The following SGCZ variants were observed in gnomAD, a reference collection of about 807,000 sequenced individuals.
The protein encoded by SGCZ is sarcoglycan zeta.
SGCZ carries 40 observed loss-of-function variants against 41.3 expected under a neutral mutation model. That is an observed-to-expected ratio of 0.97 (90% CI 0.75 to 1.26). SGCZ has a LOEUF of 1.26. SGCZ is among the 50% of genes most tolerant of loss of function. The probability of loss-of-function intolerance (pLI) is 0.00; values close to 1 mark genes in which losing one functional copy is unlikely to be tolerated. For missense variants in SGCZ, 552 were observed against 369.8 expected, an observed-to-expected ratio of 1.49 and a Z score of -4.04; for synonymous variants, 206 against 137.5, an observed-to-expected ratio of 1.50 and a Z score of -3.49.
chr8:14,267,485 G>A (rs1039365787), intron 3 of SGCZ, among the ~76,000 whole-genome samples: 4 of 151,992 alleles, frequency 2.6e-5, no homozygotes, highest in Non-Finnish European at 2.9e-5. Flanking sequence ...TACATGGAGC[G>A]TTTAGGCTAT....
intron 6 of SGCZ, among the ~76,000 whole-genome samples, chr8:14,104,490 CAGACTTTA>C (rs1802140770): frequency 6.6e-6 from 1 of 151,772 alleles, no homozygotes; most frequent in Non-Finnish European, 1.5e-5. Flanking sequence ...AAGAAGAATT[CAGACTTTA>C]AAACAACCTA....
intron 4 of SGCZ, among the ~76,000 whole-genome samples, chr8:14,226,060 T>C (rs1041269654): frequency 6.6e-6 from 1 of 151,992 alleles, no homozygotes; most frequent in African/African-American, 2.4e-5. Context: ...TCCACACTTA[T>C]TTGGGGGGCT....
intron 7 of SGCZ, among the ~76,000 whole-genome samples, chr8:14,100,112 T>TATTTCTTCATAG (rs1389366156): frequency 6.6e-6 from 1 of 152,106 alleles, no homozygotes; most frequent in Non-Finnish European, 1.5e-5. Flanking sequence ...TATGATTTTA[T>TATTTCTTCATAG]ATTTCTTCAT....
intron 1 of SGCZ, among the ~76,000 whole-genome samples, chr8:14,866,918 T>C (rs538246389): frequency 6.6e-6 from 1 of 152,264 alleles, no homozygotes; most frequent in Admixed American, 6.5e-5. Context: ...TGCCTTAAAG[T>C]TGGAGTTTCT....
intron 5 of SGCZ, among the ~76,000 whole-genome samples, chr8:14,161,515 T>A (rs1196886727): frequency 6.6e-6 from 1 of 152,198 alleles, no homozygotes; most frequent in East Asian, 1.9e-4. Flanking sequence ...AATTTACCAT[T>A]TATTGATTAC....
chr8:15,149,428 A>C (rs1799119082), intron 1 of SGCZ, among the ~76,000 whole-genome samples: 1 of 152,180 alleles, frequency 6.6e-6, no homozygotes, highest in South Asian at 2.1e-4. Flanking sequence ...ACCTAGTACC[A>C]GTTCAGCAGT....
At chr8:15,236,997 C>G (rs1221261579) in intron 1 of SGCZ, among the ~76,000 whole-genome samples, 1 of 152,218 alleles carries the variant, frequency 6.6e-6, no homozygotes, top group Non-Finnish European at 1.5e-5. Context: ...CTCTCCAGCC[C>G]CTGCACTGCA....
chr8:14,593,249 G>A (rs561047582), intron 1 of SGCZ, among the ~76,000 whole-genome samples: 8 of 152,160 alleles, frequency 5.3e-5, no homozygotes, highest in South Asian at 2.1e-4. Flanking sequence ...GAATCCGTTG[G>A]TAGCAGCAGA....
intron 2 of SGCZ, among the ~76,000 whole-genome samples, chr8:14,504,093 T>G (rs1428275211): frequency 6.6e-6 from 1 of 152,178 alleles, no homozygotes. Flanking sequence ...TTTTTCTTTT[T>G]TGTCTCAATT....
rs189955135 is a variant in SGCZ at position 15,147,469 on chromosome 8, G to A, written c.39+90116C>T. Among the ~76,000 whole-genome samples, 4 of 152,218 alleles carry A rather than the reference G, an allele frequency of 2.6e-5. No homozygotes were observed. The East Asian group carries it at 7.7e-4, about 29-fold the overall frequency. Reference sequence around the variant, plus strand: ...AATTTTGTATTTTTAGTGGAGACGGGGATTCTCCATGTTCGTCAGGCTGGT... The same window carrying A: ...AATTTTGTATTTTTAGTGGAGACGGAGATTCTCCATGTTCGTCAGGCTGGT... On this transcript the variant is annotated intron_variant, in intron 1 of 7. Coordinates refer to ENST00000382080, the MANE Select transcript of SGCZ (RefSeq NM_139167.4).
At chr8:14,973,315 T>A (rs953272203) in intron 1 of SGCZ, among the ~76,000 whole-genome samples, 27 of 152,320 alleles carry the variant, frequency 1.8e-4, no homozygotes, top group African/African-American at 6.3e-4. Flanking sequence ...TTGTAGGCAC[T>A]GTGCTGGAAT....
At chr8:15,190,334 TTTCATTCATTCATTCA>T (rs111964133) in intron 1 of SGCZ, among the ~76,000 whole-genome samples, 2 of 150,484 alleles carry the variant, frequency 1.3e-5, no homozygotes, top group Non-Finnish European at 3.0e-5. Context: ...GGATAATTCA[TTTCATTCATTCATTCA>T]TTCATTCATT....
chr8:14,822,321 A>T (rs1563293681), intron 1 of SGCZ, among the ~76,000 whole-genome samples: 2 of 152,182 alleles, frequency 1.3e-5, no homozygotes, highest in South Asian at 4.1e-4. Context: ...TAAAACTTTG[A>T]TGTAAGAAAT....
intron 1 of SGCZ, among the ~76,000 whole-genome samples, chr8:14,742,611 A>G (rs1799227307): frequency 6.6e-6 from 1 of 152,094 alleles, no homozygotes; most frequent in Non-Finnish European, 1.5e-5. Flanking sequence ...TACCTATTGT[A>G]TACATACGTA....
intron 1 of SGCZ, among the ~76,000 whole-genome samples, chr8:14,860,722 G>T (rs1007734297): frequency 1.2e-4 from 17 of 136,254 alleles, no homozygotes; most frequent in Non-Finnish European, 2.7e-4. Flanking sequence ...AAGAAAGAAA[G>T]AAAGAAAGAA....
At chr8:14,189,099 T>C (rs1223351645) in intron 4 of SGCZ, among the ~76,000 whole-genome samples, 1 of 151,454 alleles carries the variant, frequency 6.6e-6, no homozygotes, top group Non-Finnish European at 1.5e-5. Flanking sequence ...CCTCAGGCCA[T>C]CCACCCGTCT....
intron 1 of SGCZ, among the ~76,000 whole-genome samples, chr8:14,572,672 G>A (rs1291927630): frequency 2.6e-5 from 4 of 152,040 alleles, no homozygotes; most frequent in Non-Finnish European, 5.9e-5. Flanking sequence ...AAAGTACCAC[G>A]CCTCCCCTTT....
intron 2 of SGCZ, among the ~76,000 whole-genome samples, chr8:14,474,774 C>G (rs1442357169): frequency 6.6e-6 from 1 of 152,126 alleles, no homozygotes; most frequent in Non-Finnish European, 1.5e-5. Flanking sequence ...TTGTCCTTGA[C>G]AAAACCTTTT....
At chr8:14,963,597 C>T (rs1585417440) in intron 1 of SGCZ, among the ~76,000 whole-genome samples, 1 of 152,142 alleles carries the variant, frequency 6.6e-6, no homozygotes, top group South Asian at 2.1e-4. Context: ...ATCCACCCGC[C>T]TCAGCCTCTC....
Sources: gnomAD v4.1 joint callset for allele counts (sites outside exome capture counted in the v4.1 genomes callset) on GRCh38, gnomAD v4.1.1 for gene constraint, MANE v1.5 for transcripts, NCBI Gene and HGNC (gene_info 2026-07-23, HGNC 2026-07-21) for gene names.